Variants in FSTL5 observed in about 807,000 individuals in gnomAD.
FSTL5 encodes the protein follistatin-related protein 5.
A neutral mutation model predicts 89.1 loss-of-function variants in FSTL5; 62 were observed. The observed-to-expected ratio is 0.70, with a 90% CI of 0.57 to 0.86. The LOEUF is 0.86. Ranked by LOEUF, FSTL5 falls within the 40% of genes least tolerant of loss-of-function variation. FSTL5 has a pLI of 0.00. For missense variants in FSTL5, 1,057 were observed against 1,001.6 expected (o/e 1.06, Z -0.75); for synonymous variants, 383 against 346.2 (o/e 1.11, Z -1.18).
chr4:161,662,784 A>T (rs1472611797), intron 6 of FSTL5, among the ~76,000 whole-genome samples: 2 of 152,198 alleles, frequency 1.3e-5, no homozygotes, highest in Non-Finnish European at 2.9e-5. Context: ...CGAACAAAAA[A>T]CTAGGCTAAT....
intron 4 of FSTL5, among the ~76,000 whole-genome samples, chr4:161,889,756 C>T (rs978793384): frequency 3.3e-5 from 5 of 152,104 alleles, no homozygotes; most frequent in African/African-American, 1.2e-4. Context: ...GACTGTAATC[C>T]AGCTAATTGA....
chr4:161,573,733 C>CAAAAAAAAAAAAAAAAAAA (rs70937664), intron 8 of FSTL5, among the ~76,000 whole-genome samples: 2 of 50,622 alleles, frequency 4.0e-5, no homozygotes, highest in Non-Finnish European at 3.4e-5. Flanking sequence ...AACTCCAGCT[C>CAAAAAAAAAAAAAAAAAAA]AAAAAAAAAA....
intron 7 of FSTL5, among the ~76,000 whole-genome samples, chr4:161,591,801 C>A (rs1312772101): frequency 1.3e-5 from 2 of 152,138 alleles, no homozygotes; most frequent in African/African-American, 4.8e-5. Flanking sequence ...CACATTTCAT[C>A]TATATACTAA....
chr4:161,971,761 T>C (rs1050740552), intron 3 of FSTL5, among the ~76,000 whole-genome samples: 7 of 152,198 alleles, frequency 4.6e-5, no homozygotes, highest in African/African-American at 1.7e-4. Context: ...AATTTCAATA[T>C]ATCCCCAAAA....
Position 161,527,522 on chromosome 4 carries a change from C to T in FSTL5, c.1312+10644G>A, listed in dbSNP as rs941332776. On this transcript the variant is annotated intron_variant, in intron 10 of 15. Transcript: ENST00000306100. ...CACTTCTCAAAAGAAGACATTTATGCAGCCAAAAAACACATGAAAAAATGC... is the reference window on the plus strand; with the variant it reads ...CACTTCTCAAAAGAAGACATTTATGTAGCCAAAAAACACATGAAAAAATGC... Among the ~76,000 whole-genome samples the T allele has an allele frequency of 3.3e-5, 5 of 152,106 alleles. No individual in the cohort carries two copies. In the East Asian group the frequency reaches 5.8e-4, roughly 18 times the overall value.
In FSTL5 at chr4:162,133,725, T is replaced by C. The variant is rs564503551; in HGVS notation, c.-16-22313A>G. Among the ~76,000 whole-genome samples, 7 of 152,326 alleles carry C rather than the reference T, an allele frequency of 4.6e-5. No individual in the cohort carries two copies. The East Asian group carries it at 1.4e-3, about 29-fold the overall frequency. ...TGACAAAACTTCCTAAATGTGTTAT[T>C]GTTGGAGCCATAAAATTATGCTTCA... On this transcript the variant is annotated intron_variant, in intron 1 of 15. Coordinates refer to ENST00000306100, the MANE Select transcript of FSTL5 (RefSeq NM_020116.5).
chr4:162,088,859 G>T (rs1341767508), intron 2 of FSTL5, among the ~76,000 whole-genome samples: 2 of 152,010 alleles, frequency 1.3e-5, no homozygotes, highest in Non-Finnish European at 2.9e-5. Flanking sequence ...ATTTTAATAG[G>T]TATAAGTGGG....
At chr4:162,094,299 A>G (rs1730663993) in intron 2 of FSTL5, among the ~76,000 whole-genome samples, 1 of 152,220 alleles carries the variant, frequency 6.6e-6, no homozygotes, top group Non-Finnish European at 1.5e-5. Flanking sequence ...AGGCAGGAGA[A>G]TCGCTTGAAC....
At chr4:161,838,791 T>TA (rs1242315865) in intron 4 of FSTL5, among the ~76,000 whole-genome samples, 1 of 151,996 alleles carries the variant, frequency 6.6e-6, no homozygotes, top group African/African-American at 2.4e-5. Flanking sequence ...AACTTATATC[T>TA]AAGAGCACAT....
At chr4:161,638,541 G>A (rs555794824) in intron 7 of FSTL5, among the ~76,000 whole-genome samples, 49 of 151,748 alleles carry the variant, frequency 3.2e-4, no homozygotes, top group African/African-American at 1.2e-3. Context: ...AGGACCAGAT[G>A]GATTCACAGC....
At chr4:162,095,721 A>G (rs1466143062) in intron 2 of FSTL5, among the ~76,000 whole-genome samples, 1 of 151,992 alleles carries the variant, frequency 6.6e-6, no homozygotes, top group Non-Finnish European at 1.5e-5. Flanking sequence ...ATTAAATGAT[A>G]TTGTAGTTAC....
At chr4:161,829,948 A>G (rs960957381) in intron 4 of FSTL5, among the ~76,000 whole-genome samples, 2 of 152,096 alleles carry the variant, frequency 1.3e-5, no homozygotes, top group Non-Finnish European at 2.9e-5. Flanking sequence ...TATAACAAGG[A>G]AAGACTAGAA....
At chr4:161,602,855 C>T (rs1209264798) in intron 7 of FSTL5, among the ~76,000 whole-genome samples, 1 of 151,896 alleles carries the variant, frequency 6.6e-6, no homozygotes, top group Admixed American at 6.6e-5. Flanking sequence ...TTTTGTTCAG[C>T]CAAAAACTGA....
At chr4:161,471,492 G>A (rs1307997904) in intron 13 of FSTL5, among the ~76,000 whole-genome samples, 3 of 152,160 alleles carry the variant, frequency 2.0e-5, no homozygotes, top group Non-Finnish European at 4.4e-5. Flanking sequence ...GTGTTCATAA[G>A]GCATCTTGAG....
rs909360406 is a variant in FSTL5 at position 162,050,603 on chromosome 4, TA to T, written c.127-16946del. On this transcript the variant is annotated intron_variant, in intron 2 of 15. Transcript: ENST00000306100. ...TCACTCTTGGAAAAAAAGACTTTAT[TA>T]AAAAAAAACTCCAGGAGAATTTGAC... is the stretch of plus-strand genomic sequence containing the variant. Among the ~76,000 whole-genome samples the T allele has an allele frequency of 6.7e-5, 10 of 149,272 alleles. No homozygotes were observed. The East Asian group carries it at 1.4e-3, about 20-fold the overall frequency.
intron 15 of FSTL5, among the ~76,000 whole-genome samples, chr4:161,424,698 A>G (rs1245802508): frequency 6.6e-6 from 1 of 152,168 alleles, no homozygotes; most frequent in Non-Finnish European, 1.5e-5. Flanking sequence ...GGAAATGTTA[A>G]AGAATTCTGG....
chr4:162,154,107 A>T (rs115256408), intron 1 of FSTL5, among the ~76,000 whole-genome samples: 1 of 152,138 alleles, frequency 6.6e-6, no homozygotes, highest in Non-Finnish European at 1.5e-5. Flanking sequence ...GCACCCAGCC[A>T]AAATAGCTAT....
rs542095912 is a variant in FSTL5 at position 162,053,863 on chromosome 4, G to A, written c.127-20205C>T. Among the ~76,000 whole-genome samples, 35 of 151,474 alleles carry A rather than the reference G, an allele frequency of 2.3e-4. 2 individuals carry two copies. In the South Asian group the frequency reaches 3.5e-3, roughly 15 times the overall value. ...TCAAAAATACCTAAGATGTACCCAC[G>A]ATAATTCAATAAATCATTGAAAAAA... On this transcript the variant is annotated intron_variant, in intron 2 of 15. Transcript: ENST00000306100.
intron 2 of FSTL5, among the ~76,000 whole-genome samples, chr4:162,103,632 A>G (rs939591258): frequency 2.6e-5 from 4 of 152,238 alleles, no homozygotes; most frequent in African/African-American, 9.6e-5. Flanking sequence ...AGGCTAGTGT[A>G]TTCATAGCCT....
Sources: allele counts gnomAD v4.1 joint callset (sites outside exome capture counted in the v4.1 genomes callset), GRCh38; gene constraint gnomAD v4.1.1; transcripts MANE v1.5; gene names NCBI Gene and HGNC (gene_info 2026-07-23, HGNC 2026-07-21).